The following ALG6 variants were observed in gnomAD, a reference collection of about 807,000 sequenced individuals.
The protein encoded by ALG6 is dolichyl pyrophosphate Man9GlcNAc2 alpha-1,3-glucosyltransferase.
In ALG6, 46 loss-of-function variants were observed where a neutral mutation model predicts 66.6. The observed-to-expected ratio is 0.69, with a 90% confidence interval of 0.55 to 0.88. The LOEUF (loss-of-function observed/expected upper bound fraction) is 0.88. ALG6 is among the 40% of genes least tolerant of loss of function. The pLI is 0.00. For missense variants in ALG6, 505 were observed against 586.8 expected, an observed-to-expected ratio of 0.86 and a Z score of 1.44; for synonymous variants, 185 against 203.7, an observed-to-expected ratio of 0.91 and a Z score of 0.78.
intron 12 of ALG6, chr1:63,428,196 C>T (rs1644627122): frequency 1.3e-5 from 2 of 152,748 alleles, no homozygotes; most frequent in South Asian, 4.1e-4. Flanking sequence ...TTATGTAGCT[C>T]TTCCTACTAA....
chr1:63,376,367 G>T (rs1024109858), intron 2 of ALG6, among the ~76,000 whole-genome samples: 8 of 152,088 alleles, frequency 5.3e-5, no homozygotes, highest in Admixed American at 2.0e-4. Flanking sequence ...CATTATTGTG[G>T]TACATAGCCG....
chr1:63,422,126 A>ACTATGAATTTATATTTAT (rs1644578133), intron 12 of ALG6, among the ~76,000 whole-genome samples: 1 of 74,354 alleles, frequency 1.3e-5, no homozygotes, highest in African/African-American at 5.0e-5. Context: ...TAAATATATA[A>ACTATGAATTTATATTTAT]ATAAATATAT....
rs114237241 is a variant in ALG6 at position 63,376,339 on chromosome 1, C to T, written c.82+5280C>T. On this transcript the variant is annotated intron_variant, in intron 2 of 14. Transcript: ENST00000263440. ...TGGGACCATCATTGTTTATACAGTTCGTTGTTGACTGAGATGTCATTATTG... is the reference window on the plus strand; with the variant it reads ...TGGGACCATCATTGTTTATACAGTTTGTTGTTGACTGAGATGTCATTATTG... 7.2e-3 allele frequency among the ~76,000 whole-genome samples: 1,095 copies of T among 152,198 alleles called. 11 individuals carry two copies. The highest frequency in any genetic ancestry group is 0.025 in the African/African-American group (1,057 of 41,516).
At chr1:63,375,970 G>T (rs931785035) in intron 2 of ALG6, among the ~76,000 whole-genome samples, 1 of 151,644 alleles carries the variant, frequency 6.6e-6, no homozygotes, top group African/African-American at 2.4e-5. Flanking sequence ...TTCTTATATA[G>T]TTAGTGGTGT....
At chr1:63,428,672 A>G (rs2100440275) in intron 12 of ALG6, 61 bp from the exon 13 acceptor site, 1 of 1,207,084 alleles carries the variant, frequency 8.3e-7, no homozygotes, top group East Asian at 2.5e-5. Context: ...TATATTTTTT[A>G]CAATTAGGAG....
intron 3 of ALG6, 77 bp downstream of exon 3, chr1:63,396,674 G>T (rs1023006747): frequency 2.6e-5 from 33 of 1,277,634 alleles, no homozygotes; most frequent in East Asian, 1.9e-4. Context: ...GGGACAACAC[G>T]CTATTTTCTT....
chr1:63,376,783 C>A (rs1008470992), intron 2 of ALG6, among the ~76,000 whole-genome samples: 2 of 152,006 alleles, frequency 1.3e-5, no homozygotes, highest in Non-Finnish European at 2.9e-5. Context: ...TGTGTAATCT[C>A]TAGTTTAATA....
At chr1:63,426,322 C>T (rs1275263580) in intron 12 of ALG6, among the ~76,000 whole-genome samples, 1 of 152,122 alleles carries the variant, frequency 6.6e-6, no homozygotes, top group Non-Finnish European at 1.5e-5. Context: ...CACTTGAAGA[C>T]TGTGGAAACA....
Position 63,436,816 on chromosome 1 carries a change from C to A in ALG6, c.1327-7C>A. Reference sequence around the variant, plus strand: ...ATACTACTCAGTAATCCTTTTTTTCCTTGCAGTTTCTTATCTCAGTCATCA... The same window carrying A: ...ATACTACTCAGTAATCCTTTTTTTCATTGCAGTTTCTTATCTCAGTCATCA... On this transcript the variant is annotated splice_polypyrimidine_tract_variant and splice_region_variant and intron_variant, in intron 14 of 14. Coordinates refer to ENST00000263440, the MANE Select transcript of ALG6 (RefSeq NM_013339.4). 1 of 1,612,318 alleles carries A rather than the reference C, an allele frequency of 6.2e-7. No homozygotes were observed. The highest frequency in any genetic ancestry group is 1.1e-5 in the South Asian group (1 of 91,040).
At chr1:63,391,129 G>A (rs2100399756) in intron 2 of ALG6, among the ~76,000 whole-genome samples, 1 of 152,114 alleles carries the variant, frequency 6.6e-6, no homozygotes, top group African/African-American at 2.4e-5. Context: ...GTTTGCTTTT[G>A]GTTTATCTTG....
chr1:63,427,887 A>G (rs1334941245), intron 12 of ALG6, among the ~76,000 whole-genome samples: 3 of 147,400 alleles, frequency 2.0e-5, no homozygotes, highest in Non-Finnish European at 3.0e-5. Flanking sequence ...GCTCACTGCA[A>G]CCTCCTCCTC....
intron 3 of ALG6, among the ~76,000 whole-genome samples, chr1:63,400,140 A>C (rs1264983439): frequency 7.0e-6 from 1 of 142,072 alleles, no homozygotes; most frequent in Non-Finnish European, 1.5e-5. Flanking sequence ...GTTGCAGTGA[A>C]CCAAGATCGC....
intron 2 of ALG6, among the ~76,000 whole-genome samples, chr1:63,388,129 C>T (rs992672350): frequency 4.6e-5 from 7 of 151,256 alleles, no homozygotes; most frequent in African/African-American, 1.5e-4. Flanking sequence ...ATGTTGGCCA[C>T]GCTGGTCTCA....
chr1:63,368,792 C>T (rs1475558090), intron 1 of ALG6, among the ~76,000 whole-genome samples: 3 of 152,128 alleles, frequency 2.0e-5, no homozygotes, highest in African/African-American at 4.8e-5. Context: ...TGAACCACTG[C>T]GCCCAGCCCC....
In ALG6 at chr1:63,400,297, G is replaced by GTATTTTATA. The variant is rs1644454187; in HGVS notation, c.168-1954_168-1953insTTTATATAT. On this transcript the variant is annotated intron_variant, in intron 3 of 14. Transcript: ENST00000263440. ...TATATATATACGTATATATATATAC[G>GTATTTTATA]TATATATATGTATATATATATACGT... Among the ~76,000 whole-genome samples, 2 of 4,972 alleles carry GTATTTTATA rather than the reference G, an allele frequency of 4.0e-4. 1 individual carries two copies. Among genetic ancestry groups the GTATTTTATA allele is most frequent in the Non-Finnish European group, 5.5e-4 (2 of 3,620 alleles). 3.3% of individuals were successfully genotyped at this position (4,972 alleles called of 152,430 possible). A position where few individuals can be genotyped will look rare whatever the true frequency, so the allele number is the denominator to read the frequency against.
At chr1:63,407,671 C>T (rs1433424201) in intron 7 of ALG6, among the ~76,000 whole-genome samples, 2 of 151,850 alleles carry the variant, frequency 1.3e-5, no homozygotes, top group Non-Finnish European at 2.9e-5. Flanking sequence ...ATATATCTAT[C>T]TAATTTGTCT....
chr1:63,422,182 T>A (rs1418169826), intron 12 of ALG6, among the ~76,000 whole-genome samples: 1 of 86,666 alleles, frequency 1.2e-5, no homozygotes, highest in Non-Finnish European at 2.1e-5. Flanking sequence ...AATTTATATT[T>A]ATATAAATAT....
intron 2 of ALG6, among the ~76,000 whole-genome samples, chr1:63,382,679 G>GTTTTTTTTTT (rs59573321): frequency 1.3e-3 from 26 of 19,750 alleles, no homozygotes; most frequent in Non-Finnish European, 2.0e-3. Flanking sequence ...TTTTTTTTTT[G>GTTTTTTTTTT]TTTTTTTTTT....
At chr1:63,404,860 T>C (rs1334390684) in intron 5 of ALG6, among the ~76,000 whole-genome samples, 1 of 152,168 alleles carries the variant, frequency 6.6e-6, no homozygotes, top group Non-Finnish European at 1.5e-5. Context: ...TGAAGCAAGA[T>C]AGCTATAAAT....
Sources: gnomAD v4.1 joint callset for allele counts (sites outside exome capture counted in the v4.1 genomes callset) on GRCh38, gnomAD v4.1.1 for gene constraint, MANE v1.5 for transcripts, NCBI Gene and HGNC (gene_info 2026-07-23, HGNC 2026-07-21) for gene names.